Variants in DSG4 observed in about 807,000 individuals in gnomAD.
DSG4 encodes desmoglein-4.
Under a neutral mutation model 93.1 loss-of-function variants are expected in DSG4, and 87 were observed. The observed-to-expected ratio is 0.93, with a 90% CI of 0.79 to 1.12. The LOEUF is 1.12. Among genes scored for constraint, DSG4 ranks in the 50% most tolerant of loss-of-function variants. The pLI is 0.00. For missense variants in DSG4, 1,373 were observed against 1,285.7 expected (o/e 1.07, Z -1.04); for synonymous variants, 432 against 452.9 (o/e 0.95, Z 0.59).
rs1165028083 is a variant in DSG4 at position 31,388,776 on chromosome 18, GA to G, written c.373-92del. ...ACTGTACTACAGTCTGAATTCACTG[GA>G]AAAAATTGTTTCTTTGCCTATTTTC... is the stretch of plus-strand genomic sequence containing the variant. On this transcript the variant is annotated intron_variant, in intron 4 of 15. Coordinates refer to ENST00000308128, the MANE Select transcript of DSG4 (RefSeq NM_177986.5). 3.2e-6 allele frequency: 5 copies of G among 1,577,818 alleles called. No homozygotes were observed. In the African/African-American group the frequency reaches 4.1e-5, roughly 13 times the overall value.
chr18:31,390,744 G>A lies in DSG4; in HGVS notation c.606G>A (p.Glu202=). ...SKIAYKIVSQ[E]PSGAPMFILN... The stretch of plus-strand genomic sequence containing the variant: ...TTGCCTACAAGATCGTCTCTCAGGA[G>A]CCATCAGGTGCACCCATGTTCATTC... Residue 202 remains glutamate (E), a synonymous_variant, in exon 6 of 16, where the codon GAG becomes GAA. Coordinates refer to ENST00000308128, the MANE Select transcript of DSG4 (RefSeq NM_177986.5). The A allele has an allele frequency of 1.9e-6, 3 of 1,613,840 alleles. No individual in the cohort carries two copies. In the South Asian group the frequency reaches 3.3e-5, roughly 18 times the overall value.
At chr18:31,396,705 G>A (rs575753025) in intron 8 of DSG4, among the ~76,000 whole-genome samples, 1 of 152,190 alleles carries the variant, frequency 6.6e-6, no homozygotes, top group East Asian at 1.9e-4. Context: ...AAGACAAATA[G>A]CTAGTCTCAA....
intron 10 of DSG4, among the ~76,000 whole-genome samples, chr18:31,402,965 C>G (rs1009423089): frequency 2.0e-5 from 3 of 152,132 alleles, no homozygotes; most frequent in African/African-American, 7.2e-5. Context: ...GTATTTATTT[C>G]AGCTGTGGTT....
intron 9 of DSG4, 52 bp downstream of exon 9, chr18:31,399,595 T>A: frequency 6.2e-7 from 1 of 1,609,658 alleles, no homozygotes; most frequent in Non-Finnish European, 8.5e-7. Flanking sequence ...TGTTAATTCA[T>A]GTAGCATGCG....
chr18:31,384,008 A>G (rs919030342), intron 1 of DSG4, among the ~76,000 whole-genome samples: 1 of 152,178 alleles, frequency 6.6e-6, no homozygotes, highest in Admixed American at 6.5e-5. Context: ...ATTCAGAATA[A>G]GTTTTAAGAA....
At position 31,406,242 on chromosome 18, in the gene DSG4, C is replaced by T. The variant is rs369630802; in HGVS notation, c.1802C>T (p.Ala601Val). The T allele has an allele frequency of 3.5e-5, 56 of 1,614,148 alleles. No individual in the cohort carries two copies. The highest frequency in any genetic ancestry group is 1.9e-4 in the South Asian group (17 of 91,082). The stretch of plus-strand genomic sequence containing the variant: ...CACATGTGCCTGGACTCTGGTGCCG[C>T]GGGCATCTACACAGAGGACATAACT... ...DNHMCLDSGA[A>V]GIYTEDITGD... Residue 601 changes from alanine (A) to valine (V), a missense_variant, in exon 12 of 16, where the codon GCG becomes GTG. Coordinates refer to ENST00000308128, the MANE Select transcript of DSG4 (RefSeq NM_177986.5).
intron 1 of DSG4, among the ~76,000 whole-genome samples, chr18:31,383,253 G>A (rs73410260): frequency 0.021 from 3,250 of 152,244 alleles, 121 homozygotes; most frequent in African/African-American, 0.074. Context: ...ACACTACTCA[G>A]TTCTTGTGCC....
chr18:31,387,614 G>A (rs2072202152), intron 3 of DSG4, among the ~76,000 whole-genome samples: 1 of 152,060 alleles, frequency 6.6e-6, no homozygotes, highest in Non-Finnish European at 1.5e-5. Context: ...CATTTTGGGA[G>A]GTTCTTGAGT....
intron 11 of DSG4, among the ~76,000 whole-genome samples, chr18:31,404,087 T>A (rs930542959): frequency 2.6e-5 from 4 of 152,128 alleles, no homozygotes; most frequent in African/African-American, 7.2e-5. Context: ...ATAAAATCAA[T>A]TAAATTGTTT....
At position 31,400,938 on chromosome 18, in the gene DSG4, G is replaced by A. The variant is rs750895836; in HGVS notation, c.1335G>A (p.Glu445=). Residue 445 remains glutamate (E), a synonymous_variant, in exon 10 of 16, where the codon GAG becomes GAA. Transcript: ENST00000308128. The stretch of plus-strand genomic sequence containing the variant: ...TAAAAATTGATTCAAGAACTGGTGA[G>A]ATACAATTTTCTAGAGAATTTGATA... ...SWLKIDSRTG[E]IQFSREFDKK... The A allele has an allele frequency of 5.0e-6, 8 of 1,612,542 alleles. No homozygotes were observed. The highest frequency in any genetic ancestry group is 6.8e-6 in the Non-Finnish European group (8 of 1,179,086).
intron 1 of DSG4, among the ~76,000 whole-genome samples, chr18:31,382,880 A>T (rs1341212015): frequency 2.0e-5 from 3 of 152,178 alleles, no homozygotes; most frequent in Admixed American, 2.0e-4. Context: ...AAATTCAGGG[A>T]CAGCAAAAGG....
At chr18:31,407,752 A>G (rs2072443414) in intron 12 of DSG4, among the ~76,000 whole-genome samples, 1 of 152,226 alleles carries the variant, frequency 6.6e-6, no homozygotes, top group Admixed American at 6.5e-5. Context: ...TCACAATGAT[A>G]TTAGACACAT....
intron 8 of DSG4, among the ~76,000 whole-genome samples, chr18:31,396,557 T>G (rs899325770): frequency 6.6e-6 from 1 of 151,864 alleles, no homozygotes; most frequent in African/African-American, 2.4e-5. Context: ...GTTTCACCAT[T>G]GCTGGCCAGG....
intron 10 of DSG4, 49 bp downstream of exon 10, chr18:31,401,069 T>G (rs1038667779): frequency 3.5e-6 from 5 of 1,427,560 alleles, no homozygotes; most frequent in African/African-American, 1.4e-5. Context: ...ACTATTATAT[T>G]AAATATTATG....
intron 12 of DSG4, 104 bp from the exon 13 acceptor site, chr18:31,409,348 T>A: frequency 6.5e-7 from 1 of 1,541,358 alleles, no homozygotes. Flanking sequence ...TTTGTATTTT[T>A]GTTCTAAATA....
Position 31,409,788 on chromosome 18 carries a change from AG to A in DSG4, c.2119del (p.Asp707IlefsTer109), listed in dbSNP as rs2072466759. ...ICAPMTASNT[Q>X]DRMDSSEIYT... Reference sequence around the variant, plus strand: ...GCACCCATGACAGCCTCAAATACCCAGGATCGGATGGATTCCTCTGGTCAGT... The same window carrying A: ...GCACCCATGACAGCCTCAAATACCCAGATCGGATGGATTCCTCTGGTCAGT... On this transcript the variant is annotated frameshift_variant, in exon 14 of 16. Transcript: ENST00000308128. LOFTEE classifies it high-confidence loss of function. The A allele has an allele frequency of 6.2e-7, 1 of 1,614,220 alleles. No homozygotes were observed. The highest frequency in any genetic ancestry group is 2.2e-5 in the East Asian group (1 of 44,884).
intron 8 of DSG4, among the ~76,000 whole-genome samples, chr18:31,397,402 C>G (rs560997826): frequency 5.3e-4 from 81 of 152,256 alleles, no homozygotes; most frequent in Admixed American, 1.7e-3. Context: ...TGAAGAGACT[C>G]CAGAGTAAAC....
At position 31,399,560 on chromosome 18, in the gene DSG4, C is replaced by G; in HGVS notation, c.1277+17C>G. ...AGATGTCAGGTACTGCAACTATTTT[C>G]TTCATGTTCTATGGTTCTATCCAGT... is the stretch of plus-strand genomic sequence containing the variant. On this transcript the variant is annotated intron_variant, in intron 9 of 15. Coordinates refer to ENST00000308128, the MANE Select transcript of DSG4 (RefSeq NM_177986.5). The G allele has an allele frequency of 6.2e-7, 1 of 1,613,626 alleles. No homozygotes were observed. The highest frequency in any genetic ancestry group is 1.1e-5 in the South Asian group (1 of 91,028).
In DSG4 at chr18:31,406,172, T is replaced by A; in HGVS notation, c.1732T>A (p.Leu578Met). Residue 578 changes from leucine (L) to methionine (M), a missense_variant, in exon 12 of 16, where the codon TTG (leucine) becomes ATG (methionine). By Grantham distance (15) the Leu-to-Met change is conservative. Coordinates refer to ENST00000308128, the MANE Select transcript of DSG4 (RefSeq NM_177986.5). Reference protein sequence around the residue: ...VKDSYNRACELAQMVQLYACD... With the variant: ...VKDSYNRACEMAQMVQLYACD... ...GGACAGCTATAACAGAGCATGTGAATTGGCACAAATGGTGCAGTTATATGC... is the reference window on the plus strand; with the variant it reads ...GGACAGCTATAACAGAGCATGTGAAATGGCACAAATGGTGCAGTTATATGC... The A allele has an allele frequency of 6.2e-7, 1 of 1,614,166 alleles. No individual in the cohort carries two copies.
Sources: allele counts gnomAD v4.1 joint callset (sites outside exome capture counted in the v4.1 genomes callset), GRCh38; gene constraint gnomAD v4.1.1; transcripts MANE v1.5; gene names NCBI Gene and HGNC (gene_info 2026-07-23, HGNC 2026-07-21).